NUMA1: variants seen among roughly 807,000 people sequenced by gnomAD.
The protein encoded by NUMA1 is SP-H antigen.
NUMA1 carries 62 observed loss-of-function variants against 237.1 expected under a neutral mutation model. The ratio of observed to expected loss-of-function variants is 0.26; its 90% CI spans 0.21 to 0.32. The LOEUF (loss-of-function observed/expected upper bound fraction) is 0.32, where lower values mean the gene tolerates loss of function less well. Ranked by LOEUF, NUMA1 falls within the 10% of genes least tolerant of loss-of-function variation. The pLI is 1.00. For missense variants in NUMA1, 2,533 were observed against 2,666.5 expected (o/e 0.95, Z 1.10); for synonymous variants, 1,028 against 1,066.1 (o/e 0.96, Z 0.70).
chr11:72,064,195 C>T (rs946491770), intron 2 of NUMA1, among the ~76,000 whole-genome samples: 1 of 151,720 alleles, frequency 6.6e-6, no homozygotes, highest in African/African-American at 2.4e-5. Context: ...CAGTGGCTCA[C>T]GTCTATAATT....
chr11:72,037,224 C>T (rs1204321665), intron 2 of NUMA1, among the ~76,000 whole-genome samples: 1 of 152,140 alleles, frequency 6.6e-6, no homozygotes, highest in Admixed American at 6.5e-5. Flanking sequence ...TGATCATCCT[C>T]GCTGGGAGCA....
intron 1 of NUMA1, among the ~76,000 whole-genome samples, chr11:72,079,138 C>T (rs1411163461): frequency 6.6e-6 from 1 of 152,194 alleles, no homozygotes; most frequent in Admixed American, 6.5e-5. Context: ...TATTCCAAAG[C>T]ATACATTTAT....
intron 19 of NUMA1, 23 bp from the exon 20 acceptor site, chr11:72,008,868 G>A (rs201740091): frequency 6.8e-6 from 11 of 1,613,948 alleles, no homozygotes; most frequent in East Asian, 6.7e-5. Context: ...GGGCCAGGGG[G>A]AGAGTGAAGA....
In NUMA1 at chr11:72,021,223, T is replaced by C. The variant is rs753119268; in HGVS notation, c.441A>G (p.Leu147=). 2.5e-6 allele frequency: 4 copies of C among 1,613,988 alleles called. No homozygotes were observed. In the African/African-American group the frequency reaches 4.0e-5, roughly 16 times the overall value. ...HEDGLNLNED[L]ENFLQKAPVP... The stretch of plus-strand genomic sequence containing the variant: ...ACTTACCTTTCTGTAGGAAGTTCTC[T>C]AGGTCCTCATTAAGGTTTAGCCCGT... Residue 147 remains leucine, a synonymous_variant, in exon 8 of 27, where the codon CTA becomes CTG. Coordinates refer to ENST00000393695, the MANE Select transcript of NUMA1 (RefSeq NM_006185.4).
chr11:72,028,775 T>C (rs1025232786), intron 4 of NUMA1, among the ~76,000 whole-genome samples: 1 of 152,254 alleles, frequency 6.6e-6, no homozygotes, highest in Non-Finnish European at 1.5e-5. Flanking sequence ...TCTAGGTGTT[T>C]CTTCTTTCCT....
At position 72,035,932 on chromosome 11, in the gene NUMA1, G is replaced by T; in HGVS notation, c.12C>A (p.His4Gln). MTLHATRGAALLSW... is the reference protein window; with the variant it reads MTLQATRGAALLSW... ...AGAGGAGTGCAGCCCCCCGGGTGGCGTGGAGTGTCATCTTGGTGATGCCAG... is the reference window on the plus strand; with the variant it reads ...AGAGGAGTGCAGCCCCCCGGGTGGCTTGGAGTGTCATCTTGGTGATGCCAG... Residue 4 changes from histidine (H) to glutamine (Q), a missense_variant, in exon 3 of 27, where the codon CAC becomes CAA. Physicochemically the swap from His to Gln is conservative, Grantham distance 24. Around this residue, in one of 3 missense-constraint regions of NUMA1, gnomAD observed 1,414 missense variants for 1,508.1 expected, o/e 0.94. Coordinates refer to ENST00000393695, the MANE Select transcript of NUMA1 (RefSeq NM_006185.4). The T allele has an allele frequency of 6.2e-7, 1 of 1,614,002 alleles. No individual in the cohort carries two copies. The highest frequency in any genetic ancestry group is 1.1e-5 in the South Asian group (1 of 91,064).
chr11:72,043,677 T>C (rs1021461883), intron 2 of NUMA1, among the ~76,000 whole-genome samples: 2 of 152,114 alleles, frequency 1.3e-5, no homozygotes, highest in Non-Finnish European at 2.9e-5. Context: ...ACAGTTGTCT[T>C]TGTCTTTTTC....
Position 72,013,200 on chromosome 11 carries a change from C to G in NUMA1, c.4303G>C (p.Glu1435Gln), listed in dbSNP as rs760580700. ...QLRAEKASYA[E>Q]QLSMLKKAHG... ...GCCTTCTTCAGCATGCTCAGCTGCT[C>G]TGCATAGCTGGCCTTCTCTGCCCGC... Residue 1435 changes from glutamate to glutamine, a missense_variant, in exon 15 of 27, where the codon GAG (glutamate) becomes CAG (glutamine). Glu to Gln is a conservative substitution (Grantham distance 29). Around this residue, in one of 3 missense-constraint regions of NUMA1, gnomAD observed 324 missense variants for 407.6 expected, o/e 0.79. Transcript: ENST00000393695. The surrounding 1 kb of genome is among the most constrained non-coding windows in gnomAD (Gnocchi z 6.8). The G allele has an allele frequency of 1.2e-6, 2 of 1,611,654 alleles. No homozygotes were observed. The highest frequency in any genetic ancestry group is 2.2e-5 in the South Asian group (2 of 91,090).
rs59782279 is a variant in NUMA1, at chr11:72,046,169, A to G, written c.-32-10194T>C. Among the ~76,000 whole-genome samples, 330 of 152,306 alleles carry G rather than the reference A, an allele frequency of 2.2e-3. 2 individuals are homozygous for G. The highest frequency in any genetic ancestry group is 7.6e-3 in the African/African-American group (316 of 41,576). On this transcript the variant is annotated intron_variant, in intron 2 of 26. Coordinates refer to ENST00000393695, the MANE Select transcript of NUMA1 (RefSeq NM_006185.4). Reference sequence around the variant, plus strand: ...TTCCACAGCCCCTCTCACAGCCTAGACAGGCAGCAGGCGGCCACATGGCTC... The same window carrying G: ...TTCCACAGCCCCTCTCACAGCCTAGGCAGGCAGCAGGCGGCCACATGGCTC...
intron 2 of NUMA1, among the ~76,000 whole-genome samples, chr11:72,058,378 C>T (rs1942775547): frequency 6.6e-6 from 1 of 151,850 alleles, no homozygotes; most frequent in African/African-American, 2.4e-5. Context: ...CAACTTATCT[C>T]ATCTAACAAT....
At position 72,006,195 on chromosome 11, in the gene NUMA1, G is replaced by A. The variant is rs534615372; in HGVS notation, c.5532C>T (p.Ser1844=). 7 of 1,614,118 alleles carry A rather than the reference G, an allele frequency of 4.3e-6. No individual in the cohort carries two copies. The South Asian group carries it at 6.6e-5, about 15-fold the overall frequency. Residue 1844 remains serine (S), a synonymous_variant, in exon 22 of 27, where the codon TCC becomes TCT. Transcript: ENST00000393695. ...SFYSTRSAPA[S]QASLRATSST... ...AGGAGGTGGCTCGCAGGCTAGCCTGGGAAGCAGGAGCAGACCGCGTGCTGT... is the reference window on the plus strand; with the variant it reads ...AGGAGGTGGCTCGCAGGCTAGCCTGAGAAGCAGGAGCAGACCGCGTGCTGT...
Position 72,003,680 on chromosome 11 carries a change from T to C in NUMA1, c.6337-142A>G, listed in dbSNP as rs1590843788. On this transcript the variant is annotated intron_variant, in intron 26 of 26. Coordinates refer to ENST00000393695, the MANE Select transcript of NUMA1 (RefSeq NM_006185.4). ...CCCCAGGGTTATCAGTTGCTGGCTG[T>C]GCCTGAGCAGCTCTGGGTGCTCTCC... is the stretch of plus-strand genomic sequence containing the variant. 3.4e-6 allele frequency: 4 copies of C among 1,160,480 alleles called. No individual in the cohort carries two copies. In the East Asian group the frequency reaches 9.7e-5, roughly 28 times the overall value. 71.9% of individuals were successfully genotyped at this position (1,160,480 alleles called of 1,614,324 possible). A position where few individuals can be genotyped will look rare whatever the true frequency, so the allele number is the denominator to read the frequency against.
chr11:72,006,464 T>C (rs1955712390), intron 21 of NUMA1, among the ~76,000 whole-genome samples: 2 of 152,222 alleles, frequency 1.3e-5, no homozygotes, highest in Non-Finnish European at 2.9e-5. Context: ...TTGTCAAGAC[T>C]CTTCTACGCA....
intron 16 of NUMA1, 184 bp downstream of exon 16, chr11:72,012,217 G>C: frequency 1.7e-6 from 1 of 599,758 alleles, no homozygotes; most frequent in Non-Finnish European, 3.0e-6. Context: ...GGTGGGATGA[G>C]GCCTGAGAGA....
chr11:72,019,521 T>C lies in NUMA1; in HGVS notation c.557A>G (p.Lys186Arg). 4 of 1,613,692 alleles carry C rather than the reference T, an allele frequency of 2.5e-6. No homozygotes were observed. The highest frequency in any genetic ancestry group is 3.4e-6 in the Non-Finnish European group (4 of 1,179,734). Residue 186 changes from lysine (K) to arginine (R), a missense_variant, in exon 9 of 27, where the codon AAG (lysine) becomes AGG (arginine). Physicochemically the swap from Lys to Arg is conservative, Grantham distance 26. Transcript: ENST00000393695. The part of the protein sequence containing the change: ...KREIRFLELQ[K>R]VASSSSGNNF... ...GTTCCCACTGGAAGAGGAGGCAACC[T>C]TCTGTAGCTCTAGGAAGCGAATCTC...
chr11:72,010,891 A>C, intron 16 of NUMA1, 37 bp from the exon 17 acceptor site: 1 of 1,581,118 alleles, frequency 6.3e-7, no homozygotes, highest in Non-Finnish European at 8.7e-7. Flanking sequence ...ACTCAGGAGG[A>C]CTTCCCCTGG....
chr11:72,018,715 G>T, intron 10 of NUMA1, 108 bp downstream of exon 10: 1 of 1,370,058 alleles, frequency 7.3e-7, no homozygotes, highest in Non-Finnish European at 1.0e-6. Context: ...CACAGGCCCA[G>T]GGCTGAGCTC....
intron 4 of NUMA1, 137 bp from the exon 5 acceptor site, chr11:72,024,490 G>A: frequency 1.3e-6 from 1 of 757,882 alleles, no homozygotes; most frequent in Non-Finnish European, 2.3e-6. Context: ...AGATCCTGGA[G>A]GCAGGTGACA....
chr11:72,014,443 A>C lies in NUMA1; in HGVS notation c.3060T>G (p.Leu1020=). ...TQERGRAQAD[L]ALEKAARAEL... ...CTGCTCTGGCCGCCTTCTCCAGGGC[A>C]AGGTCAGCCTGGGCACGGCCCCGCT... is the stretch of plus-strand genomic sequence containing the variant. The change falls in exon 15 of 27, where the codon CTT becomes CTG. Residue 1020 remains leucine (L), a synonymous_variant. Coordinates refer to ENST00000393695, the MANE Select transcript of NUMA1 (RefSeq NM_006185.4). The surrounding 1 kb of genome is among the most constrained non-coding windows in gnomAD (Gnocchi z 4.6). 1 of 1,605,998 alleles carries C rather than the reference A, an allele frequency of 6.2e-7. No individual in the cohort carries two copies. Among genetic ancestry groups the C allele is most frequent in the Non-Finnish European group, 8.5e-7 (1 of 1,179,954 alleles).
Sources: allele counts gnomAD v4.1 joint callset (sites outside exome capture counted in the v4.1 genomes callset), GRCh38; gene constraint gnomAD v4.1.1; regional missense constraint gnomAD v4.1.1; non-coding constraint Gnocchi (gnomAD v3.1); transcripts MANE v1.5; gene names NCBI Gene and HGNC (gene_info 2026-07-23, HGNC 2026-07-21).